Variants in PRH1 observed in about 807,000 individuals in gnomAD.
The protein encoded by PRH1 is salivary acidic proline-rich phosphoprotein 1/2.
A neutral mutation model predicts 7.9 loss-of-function variants in PRH1; 7 were observed. That is an observed-to-expected ratio of 0.89 (90% CI 0.50 to 1.67). The LOEUF (loss-of-function observed/expected upper bound fraction) is 1.67, where lower values mean the gene tolerates loss of function less well. PRH1 is among the 40% of genes most tolerant of loss of function. The pLI is 0.00. For missense variants in PRH1, 109 were observed against 223.6 expected (o/e 0.49, Z 3.27); for synonymous variants, 45 against 80.8 (o/e 0.56, Z 2.38).
At chr12:10,944,857 A>C (rs1195922137) in intron 2 of PRH1, among the ~76,000 whole-genome samples, 2 of 152,160 alleles carry the variant, frequency 1.3e-5, no homozygotes, top group Non-Finnish European at 2.9e-5. Context: ...GTGATGAATC[A>C]TATTTATTGA....
chr12:11,061,715 A>C (rs750226246), intron 1 of PRH1: 1 of 1,614,168 alleles, frequency 6.2e-7, no homozygotes, highest in Non-Finnish European at 8.5e-7. Flanking sequence ...AGCAGAAAAG[A>C]TATCAGGGTC....
At chr12:10,992,403 CG>C (rs1230161603) in intron 1 of PRH1, among the ~76,000 whole-genome samples, 6 of 132,396 alleles carry the variant, frequency 4.5e-5, no homozygotes, top group Non-Finnish European at 8.4e-5. Flanking sequence ...TTCGGTTGTT[CG>C]TTTTTTTTTG....
intron 2 of PRH1, among the ~76,000 whole-genome samples, chr12:10,899,347 G>A (rs544853989): frequency 2.0e-5 from 3 of 152,208 alleles, no homozygotes; most frequent in East Asian, 3.9e-4. Context: ...GTTTGTACAC[G>A]GTTTGTTTGT....
chr12:11,130,588 T>C (rs1359682620), intron 1 of PRH1, among the ~76,000 whole-genome samples: 1 of 152,230 alleles, frequency 6.6e-6, no homozygotes, highest in Non-Finnish European at 1.5e-5. Flanking sequence ...CTGTGCCAGA[T>C]GATCCAGCGG....
chr12:10,917,582 C>A (rs1318268980), intron 2 of PRH1, among the ~76,000 whole-genome samples: 1 of 152,132 alleles, frequency 6.6e-6, no homozygotes, highest in Admixed American at 6.5e-5. Context: ...CAAAAGAATA[C>A]CCAGTGAAGT....
intron 2 of PRH1, chr12:10,930,204 G>C: frequency 6.4e-7 from 1 of 1,560,944 alleles, no homozygotes. Context: ...TATCCTCGTA[G>C]AACACTATGA....
chr12:11,003,539 C>A (rs886447102), intron 1 of PRH1, among the ~76,000 whole-genome samples: 1 of 151,510 alleles, frequency 6.6e-6, no homozygotes, highest in African/African-American at 2.4e-5. Flanking sequence ...TACAGTTTTG[C>A]CACCAATGTA....
At chr12:11,026,130 C>T (rs149666446) in intron 1 of PRH1, among the ~76,000 whole-genome samples, 3 of 131,372 alleles carry the variant, frequency 2.3e-5, no homozygotes, top group East Asian at 2.2e-4. Context: ...GGAACTCCTG[C>T]GCTCAAGCAA....
At chr12:10,885,551 C>G (rs1949478289), upstream of PRH1, among the ~76,000 whole-genome samples, 1 of 152,112 alleles carries the variant, frequency 6.6e-6, no homozygotes, top group South Asian at 2.1e-4. Flanking sequence ...TTTGGTAGCT[C>G]TCTCCTCAGC....
intron 1 of PRH1, among the ~76,000 whole-genome samples, chr12:11,152,924 C>A (rs1947143898): frequency 6.6e-6 from 1 of 152,138 alleles, no homozygotes; most frequent in South Asian, 2.1e-4. Flanking sequence ...TGGATCATGA[C>A]AGAATCAAAT....
chr12:10,950,014 A>G (rs1398522806), intron 2 of PRH1, among the ~76,000 whole-genome samples: 1 of 152,044 alleles, frequency 6.6e-6, no homozygotes, highest in African/African-American at 2.4e-5. Context: ...TTCCTCTCAC[A>G]TCTGTATTAG....
chr12:10,947,882 TA>T (rs1254852190), intron 2 of PRH1, among the ~76,000 whole-genome samples: 2 of 152,202 alleles, frequency 1.3e-5, no homozygotes, highest in African/African-American at 4.8e-5. Flanking sequence ...CTCCTTCACT[TA>T]AAAAGCTTAA....
intron 2 of PRH1, among the ~76,000 whole-genome samples, chr12:10,972,816 A>G (rs1281541043): frequency 1.3e-5 from 2 of 152,028 alleles, no homozygotes; most frequent in African/African-American, 4.8e-5. Context: ...AATGCATTCA[A>G]GATTTTTTTG....
intron 1 of PRH1, among the ~76,000 whole-genome samples, chr12:11,035,682 C>T (rs1942406527): frequency 6.6e-6 from 1 of 152,150 alleles, no homozygotes; most frequent in South Asian, 2.1e-4. Context: ...CATTCTCCTG[C>T]AACTTAGAAG....
intron 2 of PRH1, among the ~76,000 whole-genome samples, chr12:10,941,480 A>T (rs551814469): frequency 6.6e-6 from 1 of 152,220 alleles, no homozygotes; most frequent in East Asian, 1.9e-4. Flanking sequence ...AGTGTGTTTC[A>T]TTTTAACTTT....
chr12:10,999,122 CAT>C (rs1940453071), intron 1 of PRH1, among the ~76,000 whole-genome samples: 1 of 152,068 alleles, frequency 6.6e-6, no homozygotes, highest in African/African-American at 2.4e-5. Flanking sequence ...AATCCAAAAA[CAT>C]GTGAGATATA....
intron 1 of PRH1, chr12:10,987,056 A>G (rs1939680699): frequency 2.3e-6 from 1 of 426,466 alleles, no homozygotes; most frequent in South Asian, 9.0e-5. Context: ...TGTCATCTTT[A>G]CGGAAAACAT....
intron 1 of PRH1, among the ~76,000 whole-genome samples, chr12:11,013,373 A>G (rs1417035710): frequency 1.3e-5 from 2 of 152,162 alleles, no homozygotes; most frequent in South Asian, 2.1e-4. Flanking sequence ...TCAACAAATG[A>G]TACTGAGAAC....
chr12:11,154,448 A>C (rs1947193630), intron 1 of PRH1, among the ~76,000 whole-genome samples: 1 of 152,222 alleles, frequency 6.6e-6, no homozygotes, highest in South Asian at 2.1e-4. Context: ...TATACTCTTA[A>C]TTGGGGAGAG....
Sources: gnomAD v4.1 joint callset for allele counts (sites outside exome capture counted in the v4.1 genomes callset) on GRCh38, gnomAD v4.1.1 for gene constraint, MANE v1.5 for transcripts, NCBI Gene and HGNC (gene_info 2026-07-23, HGNC 2026-07-21) for gene names.